The following RIC1 variants were observed in gnomAD, a reference collection of about 807,000 sequenced individuals.
The protein encoded by RIC1 is RIC1 partner of RAB6A GEF complex.
In RIC1, 88 loss-of-function variants were observed where a neutral mutation model predicts 169.0. That is an observed-to-expected ratio of 0.52 (90% CI 0.44 to 0.62). RIC1 has a LOEUF of 0.62. RIC1 is among the 20% of genes least tolerant of loss of function. RIC1 has a pLI of 0.00. For missense variants in RIC1, 1,877 were observed against 1,725.5 expected (o/e 1.09, Z -1.56); for synonymous variants, 790 against 601.5 (o/e 1.31, Z -4.59).
intron 1 of RIC1, among the ~76,000 whole-genome samples, chr9:5,646,232 C>T (rs138300772): frequency 2.0e-5 from 3 of 152,100 alleles, no homozygotes; most frequent in African/African-American, 7.2e-5. Flanking sequence ...TTGAAAGTGT[C>T]CGTTGAAGTT....
At chr9:5,662,229 C>G (rs1819494254) in intron 2 of RIC1, among the ~76,000 whole-genome samples, 1 of 151,954 alleles carries the variant, frequency 6.6e-6, no homozygotes, top group South Asian at 2.1e-4. Context: ...TGGATATTTG[C>G]CAGTATTTTG....
At position 5,641,845 on chromosome 9, in the gene RIC1, A is replaced by G. The variant is rs1024747900; in HGVS notation, c.144+12392A>G. ...CTCTGTGTTATCTTCAATTTCTTTGACTTTCCTCAACATAGCTATTTTGAA... is the reference window on the plus strand; with the variant it reads ...CTCTGTGTTATCTTCAATTTCTTTGGCTTTCCTCAACATAGCTATTTTGAA... On this transcript the variant is annotated intron_variant, in intron 1 of 25. Transcript: ENST00000414202. 6.9e-5 allele frequency among the ~76,000 whole-genome samples: 10 copies of G among 143,994 alleles called. 1 individual carries two copies. The highest frequency in any genetic ancestry group is 6.1e-4 in the Admixed American group (9 of 14,828). 94.5% of individuals were successfully genotyped at this position (143,994 alleles called of 152,430 possible). A position where few individuals can be genotyped will look rare whatever the true frequency, so the allele number is the denominator to read the frequency against.
chr9:5,750,147 C>G (rs1242184268), intron 12 of RIC1, among the ~76,000 whole-genome samples: 1 of 151,718 alleles, frequency 6.6e-6, no homozygotes, highest in East Asian at 1.9e-4. Context: ...AGTTTTAAAA[C>G]TTTTGAAGTC....
At chr9:5,672,539 T>C (rs1316972029) in intron 2 of RIC1, among the ~76,000 whole-genome samples, 4 of 152,184 alleles carry the variant, frequency 2.6e-5, no homozygotes, top group Non-Finnish European at 4.4e-5. Context: ...GTAAGGCATA[T>C]AGAAATAAAA....
chr9:5,700,686 C>T (rs1266306213), intron 3 of RIC1, among the ~76,000 whole-genome samples: 1 of 151,848 alleles, frequency 6.6e-6, no homozygotes, highest in Admixed American at 6.6e-5. Flanking sequence ...GTATTTTTGC[C>T]AAAGCATGAT....
chr9:5,726,471 G>C (rs145076363), intron 6 of RIC1, among the ~76,000 whole-genome samples: 36 of 152,292 alleles, frequency 2.4e-4, no homozygotes, highest in African/African-American at 7.0e-4. Context: ...TAGGTCTCCA[G>C]AATACAGCAC....
At chr9:5,656,007 C>G (rs1022563284) in intron 1 of RIC1, among the ~76,000 whole-genome samples, 8 of 151,710 alleles carry the variant, frequency 5.3e-5, no homozygotes, top group Non-Finnish European at 1.5e-5. Flanking sequence ...GTAGCTGGGA[C>G]TACAGGCGCC....
At chr9:5,719,014 T>A (rs1016929397) in intron 4 of RIC1, 1 of 152,210 alleles carries the variant, frequency 6.6e-6, no homozygotes, top group African/African-American at 2.4e-5. Flanking sequence ...TTCAGAAATA[T>A]GCTCTTAAGT....
chr9:5,716,691 A>G (rs1823267190), intron 4 of RIC1, among the ~76,000 whole-genome samples: 1 of 152,220 alleles, frequency 6.6e-6, no homozygotes, highest in African/African-American at 2.4e-5. Flanking sequence ...ACATCGCCCT[A>G]CTACGCCAAT....
intron 1 of RIC1, among the ~76,000 whole-genome samples, chr9:5,654,010 A>G (rs189962464): frequency 1.1e-4 from 16 of 152,040 alleles, no homozygotes; most frequent in African/African-American, 3.6e-4. Context: ...TACATTTTTT[A>G]TGTTTTTGAG....
chr9:5,744,697 G>A (rs1349619871), intron 10 of RIC1, among the ~76,000 whole-genome samples: 1 of 152,098 alleles, frequency 6.6e-6, no homozygotes, highest in East Asian at 1.9e-4. Context: ...TTACTGTGGT[G>A]TCATATCAGC....
In RIC1 at chr9:5,629,473, G is replaced by T; in HGVS notation, c.144+20G>T. On this transcript the variant is annotated intron_variant, in intron 1 of 25. Transcript: ENST00000414202. ...AGCCGAGTAAGTAGAGCCGCCCGCC[G>T]CCTTTCGCCGCTGCCTCCCCGGCCT... 1 of 1,523,100 alleles carries T rather than the reference G, an allele frequency of 6.6e-7. No homozygotes were observed. The highest frequency in any genetic ancestry group is 8.8e-7 in the Non-Finnish European group (1 of 1,140,782). 94.3% of individuals were successfully genotyped at this position (1,523,100 alleles called of 1,614,324 possible).
intron 3 of RIC1, among the ~76,000 whole-genome samples, chr9:5,698,951 CA>C (rs944172782): frequency 6.6e-6 from 1 of 151,986 alleles, no homozygotes; most frequent in African/African-American, 2.4e-5. Context: ...AAGAGGTTGC[CA>C]AAAAATACAG....
At chr9:5,773,590 G>C (rs2131159383) in intron 25 of RIC1, among the ~76,000 whole-genome samples, 1 of 152,304 alleles carries the variant, frequency 6.6e-6, no homozygotes, top group Non-Finnish European at 1.5e-5. Context: ...TCCCTTACTT[G>C]GATCTGGTTT....
chr9:5,761,543 A>G (rs1226651340), intron 17 of RIC1, among the ~76,000 whole-genome samples: 1 of 152,164 alleles, frequency 6.6e-6, no homozygotes, highest in African/African-American at 2.4e-5. Flanking sequence ...CAAAAAGAAA[A>G]AGGGAAACTC....
At chr9:5,752,045 C>T (rs549794165) in intron 12 of RIC1, among the ~76,000 whole-genome samples, 5 of 152,188 alleles carry the variant, frequency 3.3e-5, no homozygotes, top group Non-Finnish European at 7.3e-5. Context: ...CCCACTCCAA[C>T]ATGTGCTCAT....
In RIC1 at chr9:5,706,063, AT is replaced by A. The variant is rs200917129; in HGVS notation, c.333-7825del. On this transcript the variant is annotated intron_variant, in intron 3 of 25. Coordinates refer to ENST00000414202, the MANE Select transcript of RIC1 (RefSeq NM_020829.4). ...CCAGTTTGCTAATATTTTGTTCAGGATTTTTTTTACATCTATATTCATAAGG... is the reference window on the plus strand; with the variant it reads ...CCAGTTTGCTAATATTTTGTTCAGGATTTTTTTACATCTATATTCATAAGG... Among the ~76,000 whole-genome samples, 1,199 of 151,962 alleles carry A rather than the reference AT, an allele frequency of 7.9e-3. 16 individuals carry two copies. Among genetic ancestry groups the A allele is most frequent in the African/African-American group, 0.027 (1,104 of 41,442 alleles).
chr9:5,657,413 C>G (rs532251774), intron 2 of RIC1, among the ~76,000 whole-genome samples: 1 of 152,034 alleles, frequency 6.6e-6, no homozygotes, highest in African/African-American at 2.4e-5. Flanking sequence ...ACCTCCTATC[C>G]GATGAGTACA....
chr9:5,769,034 C>G lies in RIC1; in HGVS notation c.3202C>G (p.Arg1068Gly), dbSNP rs61744825. The change falls in exon 22 of 26, where the codon CGG (arginine) becomes GGG (glycine). Residue 1068 changes from arginine (R) to glycine (G), a missense_variant. Physicochemically the swap from Arg to Gly is moderately radical, Grantham distance 125. This residue lies in a region of RIC1 where 681 missense variants were observed against 582.0 expected (regional missense o/e 1.17). Transcript: ENST00000414202. ...TGACATGATGCTCTGGAGACATGCT[C>G]GGCGCCTCTTAGAAGATGTGAGGTT... ...YIDMMLWRHA[R>G]RLLEDVRLKD... The G allele has an allele frequency of 1.9e-6, 3 of 1,613,998 alleles. No individual in the cohort carries two copies. The highest frequency in any genetic ancestry group is 2.5e-6 in the Non-Finnish European group (3 of 1,179,968).
Sources: gnomAD v4.1 joint callset for allele counts (sites outside exome capture counted in the v4.1 genomes callset) on GRCh38, gnomAD v4.1.1 for gene constraint, gnomAD v4.1.1 regional missense constraint, MANE v1.5 for transcripts, NCBI Gene and HGNC (gene_info 2026-07-23, HGNC 2026-07-21) for gene names.